SRGAP3: variants seen among roughly 807,000 people sequenced by gnomAD.
The protein encoded by SRGAP3 is SLIT-ROBO Rho GTPase activating protein 3.
A neutral mutation model predicts 121.1 loss-of-function variants in SRGAP3; 39 were observed. That is an observed-to-expected ratio of 0.32 (90% CI 0.25 to 0.42). SRGAP3 has a LOEUF of 0.42. Ranked by LOEUF, SRGAP3 falls within the 10% of genes least tolerant of loss-of-function variation. The probability of loss-of-function intolerance (pLI) is 1.00; values close to 1 mark genes in which losing one functional copy is unlikely to be tolerated. For synonymous variants in SRGAP3, 601 were observed against 570.0 expected (o/e 1.05, Z -0.77); for missense variants, 1,213 against 1,470.6 (o/e 0.82, Z 2.86).
chr3:9,208,189 C>T (rs145480297), intron 1 of SRGAP3, among the ~76,000 whole-genome samples: 261 of 152,264 alleles, frequency 1.7e-3, no homozygotes, highest in African/African-American at 5.9e-3. Context: ...CCCAGACCCC[C>T]GAGATGTTTA....
intron 18 of SRGAP3, chr3:9,007,892 G>T (rs1177365283): frequency 6.6e-6 from 1 of 152,064 alleles, no homozygotes; most frequent in Non-Finnish European, 1.5e-5. Context: ...GTTTGGCCAG[G>T]GATGGCAAGA....
At chr3:9,046,049 C>A (rs1173255254) in intron 10 of SRGAP3, among the ~76,000 whole-genome samples, 1 of 152,168 alleles carries the variant, frequency 6.6e-6, no homozygotes, top group East Asian at 1.9e-4. Context: ...ACTGAAATGT[C>A]GGGATGGGTA....
At chr3:9,045,225 C>A (rs1233560938) in intron 10 of SRGAP3, among the ~76,000 whole-genome samples, 1 of 150,722 alleles carries the variant, frequency 6.6e-6, no homozygotes, top group Non-Finnish European at 1.5e-5. Context: ...GTAGAACTGA[C>A]CAGTCTATCA....
At position 9,068,551 on chromosome 3, in the gene SRGAP3, C is replaced by G. The variant is rs532450764; in HGVS notation, c.487-3970G>C. 1.2e-3 allele frequency among the ~76,000 whole-genome samples: 177 copies of G among 151,698 alleles called. 1 individual carries two copies. Among genetic ancestry groups the G allele is most frequent in the Non-Finnish European group, 2.0e-3 (137 of 67,578 alleles). On this transcript the variant is annotated intron_variant, in intron 4 of 21. Coordinates refer to ENST00000383836, the MANE Select transcript of SRGAP3 (RefSeq NM_014850.4). ...ATTCCAAGAATAACAGTGAACTCCA[C>G]TGCCGAGGGTGACTTATGACAGACA...
At chr3:9,215,089 CTG>C (rs1387834068) in intron 1 of SRGAP3, among the ~76,000 whole-genome samples, 1 of 152,160 alleles carries the variant, frequency 6.6e-6, no homozygotes, top group Non-Finnish European at 1.5e-5. Flanking sequence ...GAATATGATA[CTG>C]TGTGTCTATT....
At chr3:9,356,357 AATT>A (rs2030509342) in intron 1 of SRGAP3, among the ~76,000 whole-genome samples, 4 of 110,764 alleles carry the variant, frequency 3.6e-5, no homozygotes, top group Non-Finnish European at 5.2e-5. Context: ...ATGGCCAGCT[AATT>A]TTTTTTTTTT....
intron 1 of SRGAP3, among the ~76,000 whole-genome samples, chr3:9,169,561 A>G (rs532845971): frequency 6.6e-6 from 1 of 152,364 alleles, no homozygotes; most frequent in Admixed American, 6.5e-5. Context: ...ACTACTAATT[A>G]TGAATTTCTG....
intron 1 of SRGAP3, among the ~76,000 whole-genome samples, chr3:9,209,691 G>GCATTATTTAT (rs1400669788): frequency 6.6e-6 from 1 of 152,162 alleles, no homozygotes; most frequent in Non-Finnish European, 1.5e-5. Context: ...GGCTGATAAA[G>GCATTATTTAT]CATTATTTAT....
chr3:9,266,537 A>G (rs1462537098), intron 3 of SRGAP3, among the ~76,000 whole-genome samples: 2 of 152,112 alleles, frequency 1.3e-5, no homozygotes, highest in Admixed American at 1.3e-4. Flanking sequence ...AACATTCCTT[A>G]TGTGAGGGAA....
chr3:9,089,364 C>A (rs1319900990), intron 3 of SRGAP3, among the ~76,000 whole-genome samples: 2 of 133,590 alleles, frequency 1.5e-5, no homozygotes, highest in Non-Finnish European at 3.0e-5. Flanking sequence ...TAGAAAGTGG[C>A]AGAGCCAAGA....
intron 21 of SRGAP3, among the ~76,000 whole-genome samples, chr3:8,989,714 TAAAC>T (rs1941927189): frequency 6.6e-6 from 1 of 152,184 alleles, no homozygotes; most frequent in Non-Finnish European, 1.5e-5. Context: ...TGCAAACTGT[TAAAC>T]AAATCACAGT....
intron 3 of SRGAP3, among the ~76,000 whole-genome samples, chr3:9,319,774 G>A (rs894479568): frequency 6.6e-6 from 1 of 151,900 alleles, no homozygotes; most frequent in Non-Finnish European, 1.5e-5. Flanking sequence ...TAGAAAGGGT[G>A]TGTTTGCCCT....
intron 3 of SRGAP3, among the ~76,000 whole-genome samples, chr3:9,275,304 T>C (rs1954551141): frequency 6.6e-6 from 1 of 152,164 alleles, no homozygotes; most frequent in South Asian, 2.1e-4. Flanking sequence ...CTAAAAAATA[T>C]GTTCTACTGT....
At chr3:9,214,069 C>G (rs562828081) in intron 1 of SRGAP3, among the ~76,000 whole-genome samples, 3 of 151,798 alleles carry the variant, frequency 2.0e-5, no homozygotes, top group African/African-American at 7.3e-5. Context: ...TGTTACTTAA[C>G]CCTTTTATTG....
chr3:9,237,117 T>C (rs1182704766), intron 1 of SRGAP3, among the ~76,000 whole-genome samples: 1 of 152,234 alleles, frequency 6.6e-6, no homozygotes, highest in Non-Finnish European at 1.5e-5. Context: ...GGGGAAAGAC[T>C]GGATCTGCTT....
chr3:9,250,051 G>A (rs969711093), upstream of SRGAP3, among the ~76,000 whole-genome samples: 2 of 152,168 alleles, frequency 1.3e-5, no homozygotes, highest in African/African-American at 4.8e-5. Flanking sequence ...TGGCAGAGAC[G>A]ATGCGAGGAG....
At position 9,177,695 on chromosome 3, in the gene SRGAP3, ACT is replaced by A. The variant is rs1430543269; in HGVS notation, c.68-52780_68-52779del. Among the ~76,000 whole-genome samples, 13 of 151,628 alleles carry A rather than the reference ACT, an allele frequency of 8.6e-5. 1 individual carries two copies. In the South Asian group the frequency reaches 1.0e-3, roughly 12 times the overall value. ...TGTGGTTTTTGTCTGTACAATATTT[ACT>A]CTCTCTTTTCTGGCATCAACACTTG... On this transcript the variant is annotated intron_variant, in intron 1 of 21. Transcript: ENST00000383836.
At chr3:9,161,859 C>T (rs144524651) in intron 1 of SRGAP3, among the ~76,000 whole-genome samples, 1 of 151,330 alleles carries the variant, frequency 6.6e-6, no homozygotes, top group Non-Finnish European at 1.5e-5. Flanking sequence ...TTCAAGCAAA[C>T]CTTTGTCAAA....
intron 1 of SRGAP3, among the ~76,000 whole-genome samples, chr3:9,180,593 C>T (rs1951355380): frequency 6.6e-6 from 1 of 152,142 alleles, no homozygotes; most frequent in Non-Finnish European, 1.5e-5. Flanking sequence ...GAGTGGAAGG[C>T]GTGGGCAAAA....
Sources: allele counts gnomAD v4.1 joint callset (sites outside exome capture counted in the v4.1 genomes callset), GRCh38; gene constraint gnomAD v4.1.1; transcripts MANE v1.5; gene names NCBI Gene and HGNC (gene_info 2026-07-23, HGNC 2026-07-21).